Variants in NLN observed in about 807,000 individuals in gnomAD.
NLN encodes the protein neurolysin.
A neutral mutation model predicts 79.9 loss-of-function variants in NLN; 64 were observed. The ratio of observed to expected loss-of-function variants is 0.80; its 90% CI spans 0.65 to 0.99. The LOEUF is 0.99. Among genes scored for constraint, NLN ranks in the 50% least tolerant of loss-of-function variants. NLN has a pLI of 0.00. For missense variants in NLN, 835 were observed against 858.7 expected (o/e 0.97, Z 0.34); for synonymous variants, 267 against 296.6 (o/e 0.90, Z 1.02).
rs954889060 is a variant in NLN, at chr5:65,824,097, C to T, written c.*1182C>T. ...GATCAGTAAACTCACAGTATTTTTC[C>T]TGTGGAAATCTATTCAATAAGGAAA... On this transcript the variant is annotated 3_prime_UTR_variant, in exon 13 of 13. Transcript: ENST00000380985. 5.9e-5 allele frequency: 9 copies of T among 151,822 alleles called. No homozygotes were observed. The highest frequency in any genetic ancestry group is 1.9e-4 in the African/African-American group (8 of 41,304). 9.4% of individuals were successfully genotyped at this position (151,822 alleles called of 1,614,324 possible).
chr5:65,805,071 A>G (rs1046752676), intron 9 of NLN, among the ~76,000 whole-genome samples: 1 of 152,228 alleles, frequency 6.6e-6, no homozygotes, highest in South Asian at 2.1e-4. Flanking sequence ...TACTATTGCA[A>G]TTGTTTTGAG....
intron 1 of NLN, among the ~76,000 whole-genome samples, chr5:65,748,333 G>A (rs1374981310): frequency 6.6e-6 from 1 of 152,204 alleles, no homozygotes; most frequent in Non-Finnish European, 1.5e-5. Flanking sequence ...AATCATGGGA[G>A]TAGATAAATG....
At chr5:65,766,202 A>G (rs1205768504) in intron 3 of NLN, among the ~76,000 whole-genome samples, 4 of 152,198 alleles carry the variant, frequency 2.6e-5, no homozygotes, top group African/African-American at 7.2e-5. Flanking sequence ...TGTAGTCTCA[A>G]GGTGTCTGTA....
At chr5:65,788,513 C>A in intron 8 of NLN, 29 bp downstream of exon 8, 1 of 1,595,934 alleles carries the variant, frequency 6.3e-7, no homozygotes, top group Middle Eastern at 1.7e-4. Context: ...TTGGAAGGGA[C>A]CTTAGGGATT....
intron 8 of NLN, 120 bp downstream of exon 8, chr5:65,788,604 G>T (rs904303479): frequency 4.0e-6 from 4 of 1,006,192 alleles, no homozygotes; most frequent in African/African-American, 1.6e-5. Context: ...GGGAGGCCAA[G>T]GTGGGAGGAT....
At chr5:65,738,928 G>GTATATATAAA (rs1181884723) in intron 1 of NLN, among the ~76,000 whole-genome samples, 5,073 of 106,204 alleles carry the variant, frequency 0.048, 580 homozygotes, top group Non-Finnish European at 0.064. Context: ...ATATATGTGT[G>GTATATATAAA]TATATATATT....
rs139431004 is a variant in NLN, at chr5:65,758,686, C to T, written c.161C>T (p.Pro54Leu). The T allele has an allele frequency of 8.7e-5, 140 of 1,613,610 alleles. No homozygotes were observed. Among genetic ancestry groups the T allele is most frequent in the Non-Finnish European group, 1.1e-4 (134 of 1,179,830 alleles). The stretch of plus-strand genomic sequence containing the variant: ...AATGTTTTAAGATGGGATCTTTCAC[C>T]AGAGCAAATTAAAACAAGAACTGAG... ...GRNVLRWDLS[P>L]EQIKTRTEEL... Residue 54 changes from proline (P) to leucine (L), a missense_variant, in exon 2 of 13, where the codon CCA becomes CTA. Transcript: ENST00000380985.
At chr5:65,822,662 T>A in intron 12 of NLN, 119 bp from the exon 13 acceptor site, 1 of 731,174 alleles carries the variant, frequency 1.4e-6, no homozygotes, top group South Asian at 1.5e-5. Context: ...AGAAAACATC[T>A]AGACAGAGTA....
chr5:65,808,415 A>C (rs1014299747), intron 9 of NLN, among the ~76,000 whole-genome samples: 6 of 152,208 alleles, frequency 3.9e-5, no homozygotes, highest in African/African-American at 1.4e-4. Context: ...AATGTAATGC[A>C]TCAGAGGAGA....
chr5:65,727,572 C>T (rs1289279841), intron 1 of NLN, among the ~76,000 whole-genome samples: 2 of 151,892 alleles, frequency 1.3e-5, no homozygotes, highest in South Asian at 2.1e-4. Flanking sequence ...CATAGCAAAC[C>T]AGGAGAATTC....
intron 6 of NLN, among the ~76,000 whole-genome samples, chr5:65,783,947 T>C (rs1015784494): frequency 2.0e-5 from 3 of 152,226 alleles, no homozygotes; most frequent in African/African-American, 4.8e-5. Context: ...TGTTTGGTTA[T>C]GTGCCAGGCA....
In NLN at chr5:65,823,578, T is replaced by C. The variant is rs1487693723; in HGVS notation, c.*663T>C. The C allele has an allele frequency of 2.6e-5, 4 of 152,272 alleles. No individual in the cohort carries two copies. The highest frequency in any genetic ancestry group is 9.6e-5 in the African/African-American group (4 of 41,462). The allele number at this position is 152,272 out of a possible 1,614,324, so 9.4% of individuals were successfully genotyped here. A position where few individuals can be genotyped will look rare whatever the true frequency, so the allele number is the denominator to read the frequency against. On this transcript the variant is annotated 3_prime_UTR_variant, in exon 13 of 13. Coordinates refer to ENST00000380985, the MANE Select transcript of NLN (RefSeq NM_020726.5). Reference sequence around the variant, plus strand: ...GAGTATCAAAAAATTATGTTTCAGCTAGACTGGTGTAATGTATAAGTTTTT... The same window carrying C: ...GAGTATCAAAAAATTATGTTTCAGCCAGACTGGTGTAATGTATAAGTTTTT...
intron 6 of NLN, among the ~76,000 whole-genome samples, chr5:65,782,491 T>G (rs2150758022): frequency 6.6e-6 from 1 of 152,346 alleles, no homozygotes; most frequent in Middle Eastern, 3.4e-3. Flanking sequence ...TCTTATATAC[T>G]GTCTTCTGAA....
intron 1 of NLN, among the ~76,000 whole-genome samples, chr5:65,729,709 A>G (rs1227416264): frequency 6.6e-6 from 1 of 151,852 alleles, no homozygotes. Context: ...TTGTCCTTTA[A>G]CCCTGGTTTT....
intron 1 of NLN, among the ~76,000 whole-genome samples, chr5:65,753,872 T>C (rs1191511654): frequency 1.3e-5 from 2 of 152,204 alleles, no homozygotes; most frequent in African/African-American, 4.8e-5. Flanking sequence ...GTCATGGCCA[T>C]GACTGACTCT....
Position 65,763,120 on chromosome 5 carries a change from T to C in NLN, c.450+12T>C. 1 of 1,609,790 alleles carries C rather than the reference T, an allele frequency of 6.2e-7. No individual in the cohort carries two copies. Among genetic ancestry groups the C allele is most frequent in the Non-Finnish European group, 8.5e-7 (1 of 1,176,896 alleles). On this transcript the variant is annotated intron_variant, in intron 3 of 12. Transcript: ENST00000380985. The stretch of plus-strand genomic sequence containing the variant: ...TTGTTCATTTACAGGTAAGTGGTGT[T>C]ATAAATCCCTTTAAAGAGGGAAAAA...
At chr5:65,809,966 A>G in intron 10 of NLN, 71 bp from the exon 11 acceptor site, 1 of 1,542,620 alleles carries the variant, frequency 6.5e-7, no homozygotes, top group Non-Finnish European at 8.9e-7. Context: ...TTTGGAATCT[A>G]CAATCTTGTG....
In NLN at chr5:65,819,190, T is replaced by A. The variant is rs113786485; in HGVS notation, c.1981-3591T>A. Among the ~76,000 whole-genome samples, 794 of 152,252 alleles carry A rather than the reference T, an allele frequency of 5.2e-3. 15 individuals carry two copies. Among genetic ancestry groups the A allele is most frequent in the African/African-American group, 0.018 (757 of 41,542 alleles). ...TTTTGAGGAAGTGCTACACCAGGAA[T>A]GCATTTGTTTCCCTGAACTGTATAT... On this transcript the variant is annotated intron_variant, in intron 12 of 12. Transcript: ENST00000380985.
chr5:65,730,206 G>A (rs1423751800), intron 1 of NLN, among the ~76,000 whole-genome samples: 2 of 152,224 alleles, frequency 1.3e-5, no homozygotes, highest in African/African-American at 4.8e-5. Context: ...AGTTAGATGG[G>A]AAAATGTGCT....
Sources: gnomAD v4.1 joint callset for allele counts (sites outside exome capture counted in the v4.1 genomes callset) on GRCh38, gnomAD v4.1.1 for gene constraint, MANE v1.5 for transcripts, NCBI Gene and HGNC (gene_info 2026-07-23, HGNC 2026-07-21) for gene names.